The following ZBTB16 variants were observed in gnomAD, a reference collection of about 807,000 sequenced individuals.
The protein encoded by ZBTB16 is zinc finger and BTB domain-containing protein 16.
ZBTB16 carries 8 observed loss-of-function variants against 56.8 expected under a neutral mutation model. The observed-to-expected ratio is 0.14, with a 90% CI of 0.08 to 0.25. The LOEUF is 0.25. Among genes scored for constraint, ZBTB16 ranks in the 10% least tolerant of loss-of-function variants. The pLI, the probability that ZBTB16 is intolerant of heterozygous loss-of-function variation, is 1.00. For synonymous variants in ZBTB16, 363 were observed against 368.5 expected (o/e 0.98, Z 0.17); for missense variants, 625 against 903.0 (o/e 0.69, Z 3.95).
At chr11:114,121,432 T>C (rs1247202660) in intron 2 of ZBTB16, among the ~76,000 whole-genome samples, 1 of 152,182 alleles carries the variant, frequency 6.6e-6, no homozygotes, top group Non-Finnish European at 1.5e-5. Flanking sequence ...GGTCATTTTC[T>C]CACCAAATCA....
chr11:114,133,296 C>A (rs1488970743), intron 2 of ZBTB16, among the ~76,000 whole-genome samples: 2 of 152,114 alleles, frequency 1.3e-5, no homozygotes, highest in Non-Finnish European at 2.9e-5. Context: ...CAGCCCTGCC[C>A]CACCCCTGGC....
At chr11:114,179,654 C>CT (rs932034590) in intron 3 of ZBTB16, among the ~76,000 whole-genome samples, 1 of 151,830 alleles carries the variant, frequency 6.6e-6, no homozygotes, top group African/African-American at 2.4e-5. Flanking sequence ...TTCAGTGGTT[C>CT]TTTTTTTTCT....
chr11:114,094,863 T>G (rs238937), intron 2 of ZBTB16, among the ~76,000 whole-genome samples: 2 of 152,218 alleles, frequency 1.3e-5, no homozygotes, highest in Non-Finnish European at 2.9e-5. Flanking sequence ...AGTTCCAAGT[T>G]TCCAAAGGCC....
At position 114,134,634 on chromosome 11, in the gene ZBTB16, G is replaced by A. The variant is rs372642422; in HGVS notation, c.1269-21703G>A. On this transcript the variant is annotated intron_variant, in intron 2 of 6. Transcript: ENST00000335953. Reference sequence around the variant, plus strand: ...GTAATTAGCACAGTTAAAATTTAGGGTTCCTATGACCATGAAGTTGATGGG... The same window carrying A: ...GTAATTAGCACAGTTAAAATTTAGGATTCCTATGACCATGAAGTTGATGGG... Among the ~76,000 whole-genome samples, 14 of 152,276 alleles carry A rather than the reference G, an allele frequency of 9.2e-5. No individual in the cohort carries two copies. In the East Asian group the frequency reaches 2.1e-3, roughly 23 times the overall value.
intron 4 of ZBTB16, among the ~76,000 whole-genome samples, chr11:114,210,331 C>A (rs536847832): frequency 3.2e-4 from 48 of 152,290 alleles, no homozygotes; most frequent in Admixed American, 2.0e-3. Flanking sequence ...TTTTAAGAAT[C>A]ACCTTGCATT....
intron 4 of ZBTB16, chr11:114,209,695 C>A (rs764642867): frequency 6.1e-6 from 6 of 985,312 alleles, no homozygotes; most frequent in Non-Finnish European, 7.2e-6. Flanking sequence ...GAGCAGGAGG[C>A]AAGGATAGAG....
rs1944968348 is a variant in ZBTB16 at position 114,254,526 on chromosome 11, G to C, written c.*3971G>C. 6.6e-6 allele frequency among the ~76,000 whole-genome samples: 1 copy of C among 152,194 alleles called. No individual in the cohort carries two copies. Among genetic ancestry groups the C allele is most frequent in the Non-Finnish European group, 1.5e-5 (1 of 68,026 alleles). On this transcript the variant is annotated 3_prime_UTR_variant, in exon 7 of 7. Coordinates refer to ENST00000335953, the MANE Select transcript of ZBTB16 (RefSeq NM_006006.6). ...TCCCTATAGGGGAGAGAGCAGAGGT[G>C]GGGCAGCCTTTCGACTCTGTCCATG... is the stretch of plus-strand genomic sequence containing the variant.
At chr11:114,227,410 C>T (rs1168899974) in intron 4 of ZBTB16, among the ~76,000 whole-genome samples, 2 of 152,224 alleles carry the variant, frequency 1.3e-5, no homozygotes, top group African/African-American at 4.8e-5. Flanking sequence ...TATCCCCCCT[C>T]ATGTTACAGA....
At chr11:114,246,935 C>T (rs1165618201) in intron 5 of ZBTB16, 1 of 522,414 alleles carries the variant, frequency 1.9e-6, no homozygotes. Context: ...GACTGCTGTC[C>T]ATCCCTGAAC....
chr11:114,233,713 T>C (rs1944504569), intron 4 of ZBTB16, among the ~76,000 whole-genome samples: 1 of 151,910 alleles, frequency 6.6e-6, no homozygotes, highest in Non-Finnish European at 1.5e-5. Flanking sequence ...ATTGACAAAA[T>C]TAGTAAATCC....
chr11:114,188,737 T>G lies in ZBTB16; in HGVS notation c.1453+1699T>G, dbSNP rs561706540. On this transcript the variant is annotated intron_variant, in intron 4 of 6. Coordinates refer to ENST00000335953, the MANE Select transcript of ZBTB16 (RefSeq NM_006006.6). ...CTAGCTGGGAGACAGAATCAGCAAA[T>G]AAATATACGATATCATGTCTGCTTA... The G allele has an allele frequency of 2.6e-5, 4 of 152,278 alleles. No homozygotes were observed. In the East Asian group the frequency reaches 7.7e-4, roughly 29 times the overall value. The allele number at this position is 152,278 out of a possible 1,614,324, so 9.4% of individuals were successfully genotyped here.
intron 2 of ZBTB16, among the ~76,000 whole-genome samples, chr11:114,068,400 A>G (rs560782974): frequency 7.9e-5 from 12 of 152,312 alleles, no homozygotes; most frequent in African/African-American, 2.9e-4. Flanking sequence ...CTCAACAGAT[A>G]GTGAGAATCA....
chr11:114,152,633 G>A (rs954656707), intron 2 of ZBTB16, among the ~76,000 whole-genome samples: 2 of 152,204 alleles, frequency 1.3e-5, no homozygotes, highest in East Asian at 3.9e-4. Flanking sequence ...AGCATATGGG[G>A]CAATGGAATC....
chr11:114,092,396 G>A (rs1473994066), intron 2 of ZBTB16, among the ~76,000 whole-genome samples: 1 of 152,192 alleles, frequency 6.6e-6, no homozygotes, highest in Admixed American at 6.5e-5. Flanking sequence ...GTCTGGGGTT[G>A]GGGCGGGGGC....
At chr11:114,167,693 G>A (rs1008970881) in intron 3 of ZBTB16, among the ~76,000 whole-genome samples, 1 of 151,878 alleles carries the variant, frequency 6.6e-6, no homozygotes, top group Non-Finnish European at 1.5e-5. Context: ...CTCTGAGCCT[G>A]CACCTTCCCT....
chr11:114,135,076 A>G (rs1941763499), intron 2 of ZBTB16, among the ~76,000 whole-genome samples: 1 of 152,230 alleles, frequency 6.6e-6, no homozygotes, highest in African/African-American at 2.4e-5. Flanking sequence ...ACACAGCTGT[A>G]TACCCATGTG....
At chr11:114,248,003 T>G (rs915776441) in intron 6 of ZBTB16, among the ~76,000 whole-genome samples, 11 of 152,148 alleles carry the variant, frequency 7.2e-5, no homozygotes, top group African/African-American at 2.4e-4. Flanking sequence ...GTTCAAGCGA[T>G]TCTCCTGCCT....
At chr11:114,065,942 TA>T (rs1939098984) in intron 2 of ZBTB16, among the ~76,000 whole-genome samples, 1 of 152,140 alleles carries the variant, frequency 6.6e-6, no homozygotes, top group African/African-American at 2.4e-5. Flanking sequence ...GGGGGATAAG[TA>T]GCGAGTTTGT....
chr11:114,175,055 C>A (rs1943073292), intron 3 of ZBTB16, among the ~76,000 whole-genome samples: 1 of 152,198 alleles, frequency 6.6e-6, no homozygotes, highest in Non-Finnish European at 1.5e-5. Context: ...GGTTTCTTCA[C>A]CTGTTAAAGA....
Sources: gnomAD v4.1 joint callset for allele counts (sites outside exome capture counted in the v4.1 genomes callset) on GRCh38, gnomAD v4.1.1 for gene constraint, MANE v1.5 for transcripts, NCBI Gene and HGNC (gene_info 2026-07-23, HGNC 2026-07-21) for gene names.